Variants in SPTSSB observed in about 807,000 individuals in gnomAD.
The protein encoded by SPTSSB is serine palmitoyltransferase small subunit B.
Under a neutral mutation model 7.7 loss-of-function variants are expected in SPTSSB, and 6 were observed. The ratio of observed to expected loss-of-function variants is 0.78; its 90% CI spans 0.43 to 1.54. SPTSSB has a LOEUF of 1.54. Ranked by LOEUF, SPTSSB falls within the 40% of genes most tolerant of loss-of-function variation. The probability of loss-of-function intolerance (pLI) is 0.01; values close to 1 mark genes in which losing one functional copy is unlikely to be tolerated. For synonymous variants in SPTSSB, 28 were observed against 29.7 expected (o/e 0.94, Z 0.19); for missense variants, 91 against 93.0 (o/e 0.98, Z 0.09).
At chr3:161,366,561 A>G (rs1715227512) in intron 1 of SPTSSB, among the ~76,000 whole-genome samples, 2 of 152,110 alleles carry the variant, frequency 1.3e-5, no homozygotes, top group Non-Finnish European at 2.9e-5. Context: ...ACATTTTTCT[A>G]ATTGCATGAT....
chr3:161,362,539 A>AT, intron 1 of SPTSSB, among the ~76,000 whole-genome samples: 1 of 152,218 alleles, frequency 6.6e-6, no homozygotes, highest in Admixed American at 6.5e-5. Context: ...ATAAGAATTT[A>AT]TTTTTTTGAT....
At chr3:161,362,812 G>C (rs1201154932) in intron 1 of SPTSSB, among the ~76,000 whole-genome samples, 1 of 151,982 alleles carries the variant, frequency 6.6e-6, no homozygotes, top group Non-Finnish European at 1.5e-5. Context: ...AATTTAGTGA[G>C]TAGTAGTGAT....
chr3:161,363,146 C>T (rs1290585004), intron 1 of SPTSSB, among the ~76,000 whole-genome samples: 1 of 151,534 alleles, frequency 6.6e-6, no homozygotes, highest in Non-Finnish European at 1.5e-5. Context: ...TTATGTTTAG[C>T]TTAAAAGATT....
chr3:161,352,563 T>G (rs1354311611), intron 2 of SPTSSB, among the ~76,000 whole-genome samples: 1 of 152,232 alleles, frequency 6.6e-6, no homozygotes, highest in Non-Finnish European at 1.5e-5. Context: ...CATTCATCTT[T>G]TTATCCCCAG....
intron 1 of SPTSSB, among the ~76,000 whole-genome samples, chr3:161,363,236 CTA>C (rs1392585062): frequency 1.3e-5 from 2 of 151,546 alleles, no homozygotes; most frequent in Non-Finnish European, 3.0e-5. Flanking sequence ...AGATAAGGTT[CTA>C]TGTTATGTGA....
At chr3:161,353,493 T>C (rs1185436528) in intron 2 of SPTSSB, among the ~76,000 whole-genome samples, 1 of 152,106 alleles carries the variant, frequency 6.6e-6, no homozygotes, top group Non-Finnish European at 1.5e-5. Flanking sequence ...TTGAAAGGTA[T>C]TGGAACCTGT....
chr3:161,350,324 C>T (rs1003259719), intron 2 of SPTSSB, among the ~76,000 whole-genome samples: 15 of 152,152 alleles, frequency 9.9e-5, no homozygotes. Context: ...CCCCAAGTTA[C>T]TGGATTTTCT....
At chr3:161,359,637 T>C (rs1576899766) in intron 2 of SPTSSB, 165 bp downstream of exon 2, 1 of 767,064 alleles carries the variant, frequency 1.3e-6, no homozygotes, top group African/African-American at 1.9e-5. Context: ...AATTGCCCCA[T>C]TTTATTCCTT....
intron 2 of SPTSSB, among the ~76,000 whole-genome samples, chr3:161,352,162 G>A (rs1267627100): frequency 6.6e-6 from 1 of 152,106 alleles, no homozygotes; most frequent in African/African-American, 2.4e-5. Flanking sequence ...GCCTTCAATG[G>A]CTCTCCATTT....
intron 1 of SPTSSB, among the ~76,000 whole-genome samples, chr3:161,369,480 C>T (rs745913183): frequency 7.0e-6 from 1 of 143,164 alleles, no homozygotes; most frequent in Non-Finnish European, 1.5e-5. Flanking sequence ...ATTTCCCCAA[C>T]CACTAATGGC....
rs888118468 is a variant in SPTSSB at position 161,353,524 on chromosome 3, C to T, written c.-33+6278G>A. 2.0e-4 allele frequency among the ~76,000 whole-genome samples: 31 copies of T among 151,978 alleles called. 1 individual carries two copies. The highest frequency in any genetic ancestry group is 1.2e-3 in the Admixed American group (18 of 15,238). The stretch of plus-strand genomic sequence containing the variant: ...CCTGTAAACAAATGGCGAAATATTT[C>T]TTGGGCAGGGCCACCACATACTGTT... On this transcript the variant is annotated intron_variant, in intron 2 of 2. Transcript: ENST00000620149.
Position 161,359,857 on chromosome 3 carries a change from G to A in SPTSSB, c.-88C>T. 3.2e-6 allele frequency: 3 copies of A among 941,318 alleles called. No individual in the cohort carries two copies. The highest frequency in any genetic ancestry group is 3.8e-6 in the Non-Finnish European group (3 of 789,798). 58.3% of individuals were successfully genotyped at this position (941,318 alleles called of 1,614,324 possible). On this transcript the variant is annotated 5_prime_UTR_variant, in exon 2 of 3. Coordinates refer to ENST00000620149, the MANE Select transcript of SPTSSB (RefSeq NM_001040100.2). The stretch of plus-strand genomic sequence containing the variant: ...TTGCTCCTTCACGAAATGATCCTGT[G>A]TGGGTTAGTTCTCCTCTCTGGGTTG...
chr3:161,357,666 A>C (rs1714831331), intron 2 of SPTSSB, among the ~76,000 whole-genome samples: 1 of 152,232 alleles, frequency 6.6e-6, no homozygotes, highest in African/African-American at 2.4e-5. Flanking sequence ...ATCTTGAAAA[A>C]AGAGCATCCT....
intron 2 of SPTSSB, among the ~76,000 whole-genome samples, chr3:161,346,962 A>T (rs946243705): frequency 6.6e-6 from 1 of 152,152 alleles, no homozygotes; most frequent in Non-Finnish European, 1.5e-5. Context: ...TAGTTGGATA[A>T]GTTAACTGTT....
chr3:161,346,443 C>A, intron 2 of SPTSSB, 88 bp from the exon 3 acceptor site: 2 of 630,622 alleles, frequency 3.2e-6, no homozygotes, highest in South Asian at 2.2e-5. Context: ...TAAAATCTTT[C>A]AAAGATTTGT....
In SPTSSB at chr3:161,347,048, C is replaced by T. The variant is rs114780168; in HGVS notation, c.-32-693G>A. On this transcript the variant is annotated intron_variant, in intron 2 of 2. Coordinates refer to ENST00000620149, the MANE Select transcript of SPTSSB (RefSeq NM_001040100.2). ...GAGGCTTTAAGTTCATGTGGTAATGCTGCATTCTGGAGTCAAGTTGAAATG... is the reference window on the plus strand; with the variant it reads ...GAGGCTTTAAGTTCATGTGGTAATGTTGCATTCTGGAGTCAAGTTGAAATG... Among the ~76,000 whole-genome samples, 659 of 152,226 alleles carry T rather than the reference C, an allele frequency of 4.3e-3. 3 individuals are homozygous for T. Among genetic ancestry groups the T allele is most frequent in the African/African-American group, 0.015 (631 of 41,546 alleles).
At chr3:161,369,683 G>C (rs1441047761) in intron 1 of SPTSSB, among the ~76,000 whole-genome samples, 1 of 152,022 alleles carries the variant, frequency 6.6e-6, no homozygotes, top group Non-Finnish European at 1.5e-5. Context: ...CTAGAATAGA[G>C]CTCTGAAACA....
chr3:161,358,974 T>C (rs1397841734), intron 2 of SPTSSB, among the ~76,000 whole-genome samples: 2 of 152,182 alleles, frequency 1.3e-5, no homozygotes, highest in Admixed American at 1.3e-4. Flanking sequence ...GGGGAAGGAT[T>C]GGGAAGCAAT....
At position 161,369,286 on chromosome 3, in the gene SPTSSB, T is replaced by TTTTCTTTCTTTC. The variant is rs149388545; in HGVS notation, c.-126+2137_-126+2148dup. On this transcript the variant is annotated intron_variant, in intron 1 of 2. Coordinates refer to ENST00000620149, the MANE Select transcript of SPTSSB (RefSeq NM_001040100.2). ...TCTCTTTCTTTTTCTTCTTTCTTTC[T>TTTTCTTTCTTTC]TTTCTTTCTTTCTTTCTTTCTTTCT... Among the ~76,000 whole-genome samples, 490 of 110,352 alleles carry TTTTCTTTCTTTC rather than the reference T, an allele frequency of 4.4e-3. 13 individuals are homozygous for TTTTCTTTCTTTC. Among genetic ancestry groups the TTTTCTTTCTTTC allele is most frequent in the African/African-American group, 0.021 (471 of 22,948 alleles). 72.4% of individuals were successfully genotyped at this position (110,352 alleles called of 152,430 possible).
Sources: allele counts gnomAD v4.1 joint callset (sites outside exome capture counted in the v4.1 genomes callset), GRCh38; gene constraint gnomAD v4.1.1; transcripts MANE v1.5; gene names NCBI Gene and HGNC (gene_info 2026-07-23, HGNC 2026-07-21).